FAM13A: variants seen among roughly 807,000 people sequenced by gnomAD.
The protein encoded by FAM13A is family with sequence similarity 13 member A, also known as protein FAM13A.
FAM13A carries 76 observed loss-of-function variants against 129.6 expected under a neutral mutation model. That is an observed-to-expected ratio of 0.59 (90% CI 0.49 to 0.71). The LOEUF (loss-of-function observed/expected upper bound fraction) is 0.71. Among genes scored for constraint, FAM13A ranks in the 30% least tolerant of loss-of-function variants. The pLI is 0.00. For synonymous variants in FAM13A, 443 were observed against 449.9 expected (o/e 0.98, Z 0.20); for missense variants, 1,108 against 1,249.3 (o/e 0.89, Z 1.70).
In FAM13A at chr4:88,732,122, G is replaced by A. The variant is rs1166295038; in HGVS notation, c.2723C>T (p.Ala908Val). Residue 908 changes from alanine (A) to valine (V), a missense_variant, in exon 22 of 24, where the codon GCA becomes GTA. Physicochemically the swap from Ala to Val is moderately conservative, Grantham distance 64 (BLOSUM62 0). Coordinates refer to ENST00000264344, the MANE Select transcript of FAM13A (RefSeq NM_014883.4). ...TTCGAATTGGTCCAGAAAGCATCGT[G>A]CACTGAAATCGGTTTTCAGAGTGAC... ...FMVTLKTDFSARCFLDQFEDD... is the reference protein window; with the variant it reads ...FMVTLKTDFSVRCFLDQFEDD... 6.2e-7 allele frequency: 1 copy of A among 1,613,788 alleles called. No homozygotes were observed. The highest frequency in any genetic ancestry group is 1.7e-5 in the Admixed American group (1 of 60,000).
chr4:88,966,991 C>G (rs1759440481), intron 4 of FAM13A, among the ~76,000 whole-genome samples: 1 of 152,180 alleles, frequency 6.6e-6, no homozygotes, highest in Non-Finnish European at 1.5e-5. Flanking sequence ...AGTCTTCTCT[C>G]TAGGTTCAAA....
At chr4:88,983,311 G>C (rs1289688074) in intron 4 of FAM13A, among the ~76,000 whole-genome samples, 1 of 151,848 alleles carries the variant, frequency 6.6e-6, no homozygotes, top group Non-Finnish European at 1.5e-5. Context: ...GATTATGATG[G>C]ATAAAAGAGA....
Position 88,747,780 on chromosome 4 carries a change from T to C in FAM13A, c.2233A>G (p.Ser745Gly), listed in dbSNP as rs149718554. ...TCTTTCTCAAGTTGGGAACCAAAAC[T>C]CTTGGGGAGTGTGTTGCTTCGCTGC... ...MRQRSNTLPK[S>G]FGSQLEKEDE... The change falls in exon 18 of 24, where the codon AGT becomes GGT. Residue 745 changes from serine to glycine, a missense_variant. Physicochemically the swap from Ser to Gly is moderately conservative, Grantham distance 56. Coordinates refer to ENST00000264344, the MANE Select transcript of FAM13A (RefSeq NM_014883.4). 2.5e-6 allele frequency: 4 copies of C among 1,614,216 alleles called. No homozygotes were observed. The highest frequency in any genetic ancestry group is 2.2e-5 in the East Asian group (1 of 44,892).
Position 89,056,960 on chromosome 4 carries a change from C to A in FAM13A, c.5G>T (p.Gly2Val). 1.9e-6 allele frequency: 3 copies of A among 1,613,738 alleles called. No homozygotes were observed. Among genetic ancestry groups the A allele is most frequent in the Non-Finnish European group, 1.7e-6 (2 of 1,179,814 alleles). ...TACACAGATGGCTAGAGCTCCTGCC[C>A]CCATTCTCTCAGAAAGCGTCTGGAA... M[G>V]AGALAICQSK... The change falls in exon 1 of 24, where the codon GGG (glycine) becomes GTG (valine). Residue 2 changes from glycine to valine, a missense_variant. Gly to Val is a moderately radical substitution (Grantham distance 109, BLOSUM62 -3). Around this residue, in one of 3 missense-constraint regions of FAM13A, gnomAD observed 566 missense variants for 595.7 expected, o/e 0.95. Transcript: ENST00000264344.
chr4:88,760,067 C>T (rs1744484828), intron 13 of FAM13A, among the ~76,000 whole-genome samples: 1 of 152,172 alleles, frequency 6.6e-6, no homozygotes, highest in Non-Finnish European at 1.5e-5. Flanking sequence ...AAACTAAGAA[C>T]ATCTGGAAAT....
intron 11 of FAM13A, among the ~76,000 whole-genome samples, chr4:88,778,650 T>C (rs1722256713): frequency 6.6e-6 from 1 of 152,202 alleles, no homozygotes; most frequent in Non-Finnish European, 1.5e-5. Flanking sequence ...TGCCCTTGCC[T>C]GCTAATTGTC....
At chr4:89,014,229 T>G (rs1766149180) in intron 3 of FAM13A, among the ~76,000 whole-genome samples, 1 of 152,194 alleles carries the variant, frequency 6.6e-6, no homozygotes, top group South Asian at 2.1e-4. Flanking sequence ...CCTACCGTAT[T>G]TGCCATTGAT....
At chr4:89,002,625 T>C (rs1263758663) in intron 3 of FAM13A, among the ~76,000 whole-genome samples, 4 of 152,158 alleles carry the variant, frequency 2.6e-5, no homozygotes, top group Non-Finnish European at 5.9e-5. Flanking sequence ...TTCTATCTAA[T>C]CCTTCCAAAG....
intron 3 of FAM13A, among the ~76,000 whole-genome samples, chr4:89,001,675 A>G (rs1764263983): frequency 6.6e-6 from 1 of 152,146 alleles, no homozygotes; most frequent in South Asian, 2.1e-4. Context: ...TTCATGTGGT[A>G]CTGTAAAATT....
intron 8 of FAM13A, among the ~76,000 whole-genome samples, chr4:88,799,091 AAAAT>A (rs1246233308): frequency 1.3e-5 from 2 of 152,222 alleles, no homozygotes; most frequent in African/African-American, 4.8e-5. Context: ...TACTACGCAA[AAAAT>A]AAATAAATAA....
At chr4:89,004,433 C>G (rs1405319607) in intron 3 of FAM13A, among the ~76,000 whole-genome samples, 1 of 152,224 alleles carries the variant, frequency 6.6e-6, no homozygotes, top group East Asian at 1.9e-4. Context: ...GCCACCGAAT[C>G]CAGCCCATCT....
intron 1 of FAM13A, among the ~76,000 whole-genome samples, chr4:89,044,249 C>T (rs563895130): frequency 2.6e-5 from 4 of 152,046 alleles, no homozygotes; most frequent in East Asian, 1.9e-4. Context: ...TAGCCCAGTT[C>T]GAAAATGAAC....
At chr4:88,969,673 T>G (rs192613548) in intron 4 of FAM13A, among the ~76,000 whole-genome samples, 1 of 152,216 alleles carries the variant, frequency 6.6e-6, no homozygotes, top group Non-Finnish European at 1.5e-5. Context: ...ATTTACTGAG[T>G]GTATACTATG....
In FAM13A at chr4:88,732,175, G is replaced by A. The variant is rs368008532; in HGVS notation, c.2670C>T (p.Asp890=). 73 of 1,611,308 alleles carry A rather than the reference G, an allele frequency of 4.5e-5. No homozygotes were observed. The Middle Eastern group carries it at 4.9e-4, about 11-fold the overall frequency. ...EIKEEEEGSE[D]DSNVKPDFMV... ...TGAAGTCTGGCTTCACATTGCTATCGTCTTCTGACCCCTCCTCTTCTTCCT... is the reference window on the plus strand; with the variant it reads ...TGAAGTCTGGCTTCACATTGCTATCATCTTCTGACCCCTCCTCTTCTTCCT... Residue 890 remains aspartate, a synonymous_variant, in exon 22 of 24, where the codon GAC becomes GAT. Transcript: ENST00000264344.
At chr4:88,742,187 A>G (rs940735682) in intron 19 of FAM13A, among the ~76,000 whole-genome samples, 10 of 152,232 alleles carry the variant, frequency 6.6e-5, no homozygotes, top group African/African-American at 2.4e-4. Context: ...TTGGACTGCA[A>G]CAGAAGACCA....
chr4:88,903,750 T>C (rs567359773), intron 6 of FAM13A, among the ~76,000 whole-genome samples: 131 of 152,106 alleles, frequency 8.6e-4, no homozygotes, highest in Non-Finnish European at 1.3e-3. Context: ...CAAAAGCAAT[T>C]GCAACATAAG....
intron 5 of FAM13A, among the ~76,000 whole-genome samples, chr4:88,921,616 T>A (rs1005388545): frequency 1.3e-5 from 2 of 152,084 alleles, no homozygotes; most frequent in Non-Finnish European, 2.9e-5. Context: ...TGTAAAGACC[T>A]TCGAGACTAG....
At chr4:88,742,808 T>C (rs558472482) in intron 19 of FAM13A, among the ~76,000 whole-genome samples, 1 of 152,208 alleles carries the variant, frequency 6.6e-6, no homozygotes, top group Non-Finnish European at 1.5e-5. Context: ...CCACTAAGAA[T>C]AGGGCTCTGA....
At chr4:88,839,205 C>A (rs749920593) in intron 7 of FAM13A, among the ~76,000 whole-genome samples, 1 of 152,124 alleles carries the variant, frequency 6.6e-6, no homozygotes, top group Non-Finnish European at 1.5e-5. Context: ...ATATTGTCTT[C>A]CAATACTTTT....
Sources: gnomAD v4.1 joint callset for allele counts (sites outside exome capture counted in the v4.1 genomes callset) on GRCh38, gnomAD v4.1.1 for gene constraint, gnomAD v4.1.1 regional missense constraint, MANE v1.5 for transcripts, NCBI Gene and HGNC (gene_info 2026-07-23, HGNC 2026-07-21) for gene names.